CDH13: variants seen among roughly 807,000 people sequenced by gnomAD.
The protein encoded by CDH13 is cadherin 13.
In CDH13, 24 loss-of-function variants were observed where a neutral mutation model predicts 63.8. The observed-to-expected ratio is 0.38, with a 90% CI of 0.27 to 0.53. The LOEUF is 0.53. Ranked by LOEUF, CDH13 falls within the 20% of genes least tolerant of loss-of-function variation. The pLI, the probability that CDH13 is intolerant of heterozygous loss-of-function variation, is 0.85. For missense variants in CDH13, 1,049 were observed against 903.1 expected (o/e 1.16, Z -2.07); for synonymous variants, 503 against 355.3 (o/e 1.42, Z -4.67).
At chr16:83,684,888 T>C (rs1904289514) in intron 10 of CDH13, among the ~76,000 whole-genome samples, 2 of 152,134 alleles carry the variant, frequency 1.3e-5, no homozygotes, top group South Asian at 4.1e-4. Context: ...GTTGATTTTT[T>C]TTTTCTCACA....
At chr16:83,140,755 G>T (rs984874878) in intron 4 of CDH13, among the ~76,000 whole-genome samples, 1 of 152,140 alleles carries the variant, frequency 6.6e-6, no homozygotes, top group South Asian at 2.1e-4. Flanking sequence ...GCACCCGGCC[G>T]ATCTGATGTA....
chr16:83,077,172 C>CTTTTT (rs59169986), intron 3 of CDH13, among the ~76,000 whole-genome samples: 3 of 103,296 alleles, frequency 2.9e-5, no homozygotes, highest in South Asian at 3.3e-4. Flanking sequence ...CTTTTCTTTT[C>CTTTTT]TTTTTTTTCT....
At chr16:83,356,986 T>C (rs1406561232) in intron 6 of CDH13, among the ~76,000 whole-genome samples, 1 of 152,302 alleles carries the variant, frequency 6.6e-6, no homozygotes, top group African/African-American at 2.4e-5. Flanking sequence ...TTTCCACTTT[T>C]CTTTAGTGTG....
At chr16:82,804,683 T>A (rs1428738691) in intron 1 of CDH13, among the ~76,000 whole-genome samples, 1 of 152,074 alleles carries the variant, frequency 6.6e-6, no homozygotes, top group South Asian at 2.1e-4. Context: ...TTGGTAGGAA[T>A]CTCCTTACCC....
Position 82,858,328 on chromosome 16 carries a change from G to A in CDH13, c.46-34G>A, listed in dbSNP as rs114414013. 1,285 of 1,404,620 alleles carry A rather than the reference G, an allele frequency of 9.1e-4. 11 individuals carry two copies. The African/African-American group carries it at 0.016, about 18-fold the overall frequency. The allele number at this position is 1,404,620 out of a possible 1,614,324, so 87.0% of individuals were successfully genotyped here. ...AGTTAGCAGGGCAAACACATAAGCC[G>A]CTATTAAAATATTGATGGCTTTGGT... On this transcript the variant is annotated intron_variant, in intron 1 of 13. Transcript: ENST00000567109.
At chr16:82,906,455 C>T (rs558040838) in intron 2 of CDH13, among the ~76,000 whole-genome samples, 2 of 152,290 alleles carry the variant, frequency 1.3e-5, no homozygotes, top group South Asian at 2.1e-4. Flanking sequence ...AGAGTTCTTA[C>T]TTCCATGTCC....
intron 6 of CDH13, among the ~76,000 whole-genome samples, chr16:83,390,578 C>A (rs1204066387): frequency 6.6e-6 from 1 of 151,918 alleles, no homozygotes; most frequent in Non-Finnish European, 1.5e-5. Flanking sequence ...ACAGGAACTG[C>A]TGTTTCTATT....
intron 1 of CDH13, among the ~76,000 whole-genome samples, chr16:82,710,552 A>AAAATATATATATATAT (rs60196638): frequency 4.2e-4 from 27 of 63,764 alleles, no homozygotes; most frequent in Admixed American, 8.0e-4. Flanking sequence ...AAAAAAAAAA[A>AAAATATATATATATAT]ATATATATAT....
intron 2 of CDH13, among the ~76,000 whole-genome samples, chr16:82,899,223 G>A (rs1192263355): frequency 2.6e-5 from 4 of 152,184 alleles, no homozygotes; most frequent in African/African-American, 9.6e-5. Context: ...TGGGTATTTC[G>A]GAGTGTATAT....
chr16:83,059,552 T>G (rs2031302275), intron 3 of CDH13, among the ~76,000 whole-genome samples: 1 of 152,062 alleles, frequency 6.6e-6, no homozygotes, highest in African/African-American at 2.4e-5. Context: ...GAGATTGAAC[T>G]CTTCGGAGAT....
intron 7 of CDH13, among the ~76,000 whole-genome samples, chr16:83,591,981 G>A (rs934003944): frequency 6.6e-6 from 1 of 152,094 alleles, no homozygotes; most frequent in African/African-American, 2.4e-5. Context: ...CTATGGTAGG[G>A]TATGCCCTTC....
intron 6 of CDH13, among the ~76,000 whole-genome samples, chr16:83,482,101 C>T (rs557884917): frequency 2.6e-5 from 4 of 152,274 alleles, no homozygotes; most frequent in Admixed American, 6.5e-5. Flanking sequence ...CAGAGGCAGT[C>T]GTGGAAAATC....
At chr16:83,017,942 A>G (rs896304582) in intron 2 of CDH13, among the ~76,000 whole-genome samples, 1 of 152,214 alleles carries the variant, frequency 6.6e-6, no homozygotes, top group Admixed American at 6.5e-5. Context: ...CATTTTTGTG[A>G]ATCAAGTAGG....
intron 6 of CDH13, among the ~76,000 whole-genome samples, chr16:83,410,195 A>G (rs1250715005): frequency 1.3e-5 from 2 of 152,190 alleles, no homozygotes; most frequent in African/African-American, 2.4e-5. Flanking sequence ...TGTTAATGGA[A>G]TTCAGCATCT....
At chr16:83,563,146 G>A (rs972494479) in intron 7 of CDH13, among the ~76,000 whole-genome samples, 1 of 152,180 alleles carries the variant, frequency 6.6e-6, no homozygotes, top group Non-Finnish European at 1.5e-5. Flanking sequence ...TCCAGGAATA[G>A]CCCATGGACT....
In CDH13 at chr16:83,137,816, A is replaced by G. The variant is rs190122091; in HGVS notation, c.483+12315A>G. On this transcript the variant is annotated intron_variant, in intron 4 of 13. Coordinates refer to ENST00000567109, the MANE Select transcript of CDH13 (RefSeq NM_001257.5). ...CTAGTCCAAGTTTTGAAGAGGATTG[A>G]AGTAGAACTGGATGGAGATGGGAAA... Among the ~76,000 whole-genome samples, 3 of 152,152 alleles carry G rather than the reference A, an allele frequency of 2.0e-5. No individual in the cohort carries two copies. In the East Asian group the frequency reaches 5.8e-4, roughly 29 times the overall value.
intron 7 of CDH13, among the ~76,000 whole-genome samples, chr16:83,596,869 C>G (rs1326907029): frequency 1.3e-5 from 2 of 152,084 alleles, no homozygotes; most frequent in Non-Finnish European, 2.9e-5. Flanking sequence ...ATGTTCATTA[C>G]AGAAAAATCC....
intron 1 of CDH13, among the ~76,000 whole-genome samples, chr16:82,629,432 C>G (rs937450469): frequency 6.6e-6 from 1 of 152,156 alleles, no homozygotes; most frequent in South Asian, 2.1e-4. Flanking sequence ...TCCAGTTAAC[C>G]AGCAAGAAGT....
intron 7 of CDH13, among the ~76,000 whole-genome samples, chr16:83,557,770 A>G (rs1425692446): frequency 1.3e-5 from 2 of 152,066 alleles, no homozygotes; most frequent in Non-Finnish European, 2.9e-5. Flanking sequence ...CATTTGTGAT[A>G]CCAGTTTGAC....
Sources: gnomAD v4.1 joint callset for allele counts (sites outside exome capture counted in the v4.1 genomes callset) on GRCh38, gnomAD v4.1.1 for gene constraint, MANE v1.5 for transcripts, NCBI Gene and HGNC (gene_info 2026-07-23, HGNC 2026-07-21) for gene names.